The following GPC5 variants were observed in gnomAD, a reference collection of about 807,000 sequenced individuals.
GPC5 encodes the protein glypican-5.
Under a neutral mutation model 53.9 loss-of-function variants are expected in GPC5, and 47 were observed. The observed-to-expected ratio is 0.87, with a 90% CI of 0.69 to 1.11. GPC5 has a LOEUF of 1.11. Among genes scored for constraint, GPC5 ranks in the 50% most tolerant of loss-of-function variants. The pLI, the probability that GPC5 is intolerant of heterozygous loss-of-function variation, is 0.00. For synonymous variants in GPC5, 286 were observed against 263.3 expected, an observed-to-expected ratio of 1.09 and a Z score of -0.84; for missense variants, 748 against 713.1, an observed-to-expected ratio of 1.05 and a Z score of -0.56.
At chr13:91,752,880 G>C (rs2037209112) in intron 4 of GPC5, among the ~76,000 whole-genome samples, 2 of 152,118 alleles carry the variant, frequency 1.3e-5, no homozygotes, top group South Asian at 4.1e-4. Flanking sequence ...CCCTGCCCTG[G>C]AACTACTGAA....
chr13:92,803,018 A>T (rs1876964709), intron 7 of GPC5, among the ~76,000 whole-genome samples: 1 of 151,932 alleles, frequency 6.6e-6, no homozygotes, highest in African/African-American at 2.4e-5. Flanking sequence ...CTTGGAATGT[A>T]GGCTGGAATA....
intron 7 of GPC5, among the ~76,000 whole-genome samples, chr13:92,470,032 G>A (rs1022739479): frequency 1.2e-4 from 18 of 152,122 alleles, no homozygotes; most frequent in African/African-American, 4.1e-4. Context: ...ACAAAGGCTA[G>A]TATTATAGAA....
intron 7 of GPC5, among the ~76,000 whole-genome samples, chr13:92,291,643 C>A (rs28800355): frequency 6.6e-6 from 1 of 152,064 alleles, no homozygotes; most frequent in East Asian, 1.9e-4. Flanking sequence ...AGTGGCAACC[C>A]GCTAGGGTCC....
chr13:91,994,056 G>A (rs9589390), intron 6 of GPC5, among the ~76,000 whole-genome samples: 11,367 of 152,228 alleles, frequency 0.075, 513 homozygotes, highest in Middle Eastern at 0.13. Flanking sequence ...CTAACGTTGA[G>A]ATGTTTTACT....
chr13:91,471,809 C>T (rs548707305), intron 2 of GPC5, among the ~76,000 whole-genome samples: 1 of 152,148 alleles, frequency 6.6e-6, no homozygotes, highest in South Asian at 2.1e-4. Context: ...TCTTTCCTCC[C>T]TGTTCCTCTT....
intron 2 of GPC5, among the ~76,000 whole-genome samples, chr13:91,686,806 C>A (rs1048642112): frequency 6.6e-6 from 1 of 151,898 alleles, no homozygotes; most frequent in African/African-American, 2.4e-5. Context: ...TGATTTCAGG[C>A]ACAGAGCAAC....
intron 7 of GPC5, among the ~76,000 whole-genome samples, chr13:92,757,317 T>C (rs1490605893): frequency 2.0e-5 from 3 of 152,150 alleles, no homozygotes; most frequent in Non-Finnish European, 4.4e-5. Context: ...TTACACCTTA[T>C]ACAAAAATCA....
intron 7 of GPC5, among the ~76,000 whole-genome samples, chr13:92,445,560 G>A (rs577323731): frequency 7.8e-4 from 113 of 145,382 alleles, no homozygotes; most frequent in African/African-American, 2.6e-3. Context: ...GTGAGAATAT[G>A]TGGTGTTTGG....
chr13:92,228,286 C>A, intron 7 of GPC5, among the ~76,000 whole-genome samples: 1 of 151,030 alleles, frequency 6.6e-6, no homozygotes, highest in Non-Finnish European at 1.5e-5. Context: ...TGAATGAAAC[C>A]AATACTTATA....
chr13:91,687,663 T>G (rs2035651668), intron 2 of GPC5, among the ~76,000 whole-genome samples: 2 of 152,178 alleles, frequency 1.3e-5, no homozygotes, highest in Admixed American at 1.3e-4. Context: ...AAACTGGAAA[T>G]TATTCTGTCT....
chr13:91,721,881 C>T (rs2036482238), intron 3 of GPC5, among the ~76,000 whole-genome samples: 1 of 152,186 alleles, frequency 6.6e-6, no homozygotes, highest in Admixed American at 6.5e-5. Flanking sequence ...ATTCCACTAC[C>T]AATGATGCAT....
intron 7 of GPC5, among the ~76,000 whole-genome samples, chr13:92,860,326 C>T (rs989612779): frequency 4.6e-5 from 7 of 152,098 alleles, no homozygotes; most frequent in Non-Finnish European, 5.9e-5. Flanking sequence ...GTTGATGAGG[C>T]TATAGGGCTA....
intron 7 of GPC5, among the ~76,000 whole-genome samples, chr13:92,383,488 G>C (rs1239028914): frequency 6.6e-6 from 1 of 152,138 alleles, no homozygotes; most frequent in African/African-American, 2.4e-5. Flanking sequence ...ACCTGCAAGA[G>C]TAAATGATAG....
chr13:91,696,368 T>C (rs1333162678), intron 3 of GPC5, among the ~76,000 whole-genome samples: 2 of 152,190 alleles, frequency 1.3e-5, no homozygotes, highest in East Asian at 1.9e-4. Flanking sequence ...TGGATTCTTT[T>C]CTAAATAAAA....
intron 2 of GPC5, among the ~76,000 whole-genome samples, chr13:91,483,142 GT>G (rs1475336934): frequency 6.6e-6 from 1 of 152,062 alleles, no homozygotes; most frequent in Non-Finnish European, 1.5e-5. Flanking sequence ...GAAAAAAACA[GT>G]CATCTAATTA....
At chr13:91,813,264 C>T (rs2038341763) in intron 5 of GPC5, among the ~76,000 whole-genome samples, 1 of 152,092 alleles carries the variant, frequency 6.6e-6, no homozygotes, top group Admixed American at 6.6e-5. Context: ...CTTTTTCTCC[C>T]CTTTGCATTA....
chr13:92,149,786 A>C (rs890344444), intron 7 of GPC5, among the ~76,000 whole-genome samples: 3 of 152,022 alleles, frequency 2.0e-5, no homozygotes, highest in Non-Finnish European at 4.4e-5. Flanking sequence ...GAGACCTTAA[A>C]AAGATGTTAC....
At chr13:92,640,894 A>G (rs1442613488) in intron 7 of GPC5, among the ~76,000 whole-genome samples, 5 of 151,916 alleles carry the variant, frequency 3.3e-5, no homozygotes, top group African/African-American at 9.7e-5. Context: ...ATATATGCAT[A>G]CATAAATAAG....
intron 2 of GPC5, among the ~76,000 whole-genome samples, chr13:91,593,107 T>C (rs2032864639): frequency 6.6e-6 from 1 of 152,164 alleles, no homozygotes; most frequent in South Asian, 2.1e-4. Context: ...AGGCTTTCTG[T>C]AGCCAGGATC....
Sources: gnomAD v4.1 joint callset for allele counts (sites outside exome capture counted in the v4.1 genomes callset) on GRCh38, gnomAD v4.1.1 for gene constraint, MANE v1.5 for transcripts, NCBI Gene and HGNC (gene_info 2026-07-23, HGNC 2026-07-21) for gene names.